ILDR1: variants seen among roughly 807,000 people sequenced by gnomAD.
ILDR1 encodes the protein immunoglobulin like domain containing receptor 1.
A neutral mutation model predicts 62.4 loss-of-function variants in ILDR1; 56 were observed. That is an observed-to-expected ratio of 0.90 (90% CI 0.72 to 1.12). The LOEUF is 1.12. ILDR1 is among the 50% of genes most tolerant of loss of function. The pLI is 0.00. For synonymous variants in ILDR1, 284 were observed against 277.8 expected (o/e 1.02, Z -0.22); for missense variants, 736 against 710.6 (o/e 1.04, Z -0.41).
At chr3:122,001,678 T>C in intron 4 of ILDR1, 67 bp downstream of exon 4, 2 of 1,604,962 alleles carry the variant, frequency 1.2e-6, no homozygotes, top group Non-Finnish European at 1.7e-6. Context: ...TTTTTTTTTT[T>C]TTTTCCTGTG....
At chr3:122,048,400 C>G in the ILDR1 span, among the ~76,000 whole-genome samples, 1 of 152,026 alleles carries the variant, frequency 6.6e-6, no homozygotes, top group Non-Finnish European at 1.5e-5. Flanking sequence ...CTTGTAGTGT[C>G]TTTTTCTGGC....
the ILDR1 span, among the ~76,000 whole-genome samples, chr3:122,047,794 C>T: frequency 6.6e-6 from 1 of 152,278 alleles, no homozygotes. Flanking sequence ...CACGCACCCA[C>T]TGGCCTGCGC....
chr3:122,040,571 T>G, the ILDR1 span, among the ~76,000 whole-genome samples: 1 of 151,924 alleles, frequency 6.6e-6, no homozygotes, highest in Admixed American at 6.6e-5. Context: ...CAGTGTGGTA[T>G]TAGCAAAAGA....
the ILDR1 span, among the ~76,000 whole-genome samples, chr3:122,033,197 G>C: frequency 2.6e-5 from 4 of 152,004 alleles, no homozygotes; most frequent in African/African-American, 9.7e-5. Context: ...TGGTGGGTGT[G>C]AGATGGTATT....
At chr3:122,051,549 GA>G in the ILDR1 span, among the ~76,000 whole-genome samples, 2 of 151,978 alleles carry the variant, frequency 1.3e-5, no homozygotes, top group Non-Finnish European at 2.9e-5. Context: ...TGAACTCATT[GA>G]GCATCAATAT....
the ILDR1 span, among the ~76,000 whole-genome samples, chr3:122,029,514 AT>A: frequency 8.4e-4 from 103 of 122,114 alleles, 1 homozygote; most frequent in South Asian, 0.01. Flanking sequence ...TAAAAAAAAT[AT>A]ATATATATAT....
the ILDR1 span, among the ~76,000 whole-genome samples, chr3:122,036,853 G>A: frequency 6.6e-6 from 1 of 152,304 alleles, no homozygotes; most frequent in South Asian, 2.1e-4. Context: ...CAGGCCCAGG[G>A]CCCAACTCCT....
At chr3:122,039,961 T>C in the ILDR1 span, among the ~76,000 whole-genome samples, 1 of 151,996 alleles carries the variant, frequency 6.6e-6, no homozygotes, top group African/African-American at 2.4e-5. Flanking sequence ...ATAGAAAGAA[T>C]AATTACTATG....
chr3:122,030,850 C>G, the ILDR1 span, among the ~76,000 whole-genome samples: 2 of 152,076 alleles, frequency 1.3e-5, no homozygotes, highest in South Asian at 4.2e-4. Context: ...ATTAAAGTTC[C>G]CAGGTGGTTC....
At chr3:122,045,939 G>A in the ILDR1 span, among the ~76,000 whole-genome samples, 1 of 150,428 alleles carries the variant, frequency 6.6e-6, no homozygotes, top group Non-Finnish European at 1.5e-5. Context: ...ATATTGTTAT[G>A]TGTGAATTTG....
At chr3:121,994,530 C>A (rs760245151) in intron 5 of ILDR1, among the ~76,000 whole-genome samples, 17 of 152,266 alleles carry the variant, frequency 1.1e-4, no homozygotes, top group Non-Finnish European at 1.9e-4. Flanking sequence ...ACTTTTGTAC[C>A]CCAGTAAAGT....
chr3:121,991,329 A>G (rs941588433), intron 7 of ILDR1, among the ~76,000 whole-genome samples: 2 of 152,266 alleles, frequency 1.3e-5, no homozygotes, highest in East Asian at 3.8e-4. Flanking sequence ...AAATGAAAAG[A>G]AAATAATTTA....
chr3:121,997,067 A>AT (rs2071447923), intron 5 of ILDR1, among the ~76,000 whole-genome samples: 1 of 151,844 alleles, frequency 6.6e-6, no homozygotes, highest in Non-Finnish European at 1.5e-5. Flanking sequence ...TGCTCAGTTA[A>AT]TTTTTGTATT....
Position 121,988,176 on chromosome 3 carries a change from G to C in ILDR1, c.*191C>G. The C allele has an allele frequency of 1.5e-6, 1 of 668,452 alleles. No homozygotes were observed. The highest frequency in any genetic ancestry group is 3.0e-4 in the Middle Eastern group (1 of 3,356). 41.4% of individuals were successfully genotyped at this position (668,452 alleles called of 1,614,324 possible). ...GATTCTTAGCCTCCCAAAGTGCTGT[G>C]ATTACAGGTGTGAGCCACTATACCC... On this transcript the variant is annotated 3_prime_UTR_variant, in exon 8 of 8. Coordinates refer to ENST00000344209, the MANE Select transcript of ILDR1 (RefSeq NM_001199799.2).
the ILDR1 span, among the ~76,000 whole-genome samples, chr3:122,059,034 T>C: frequency 6.6e-6 from 1 of 152,088 alleles, no homozygotes; most frequent in East Asian, 1.9e-4. Context: ...CAGAGTGGGT[T>C]TGCGCCAGGC....
At chr3:122,040,727 A>AG in the ILDR1 span, among the ~76,000 whole-genome samples, 4,666 of 128,232 alleles carry the variant, frequency 0.036, 256 homozygotes, top group African/African-American at 0.14. Flanking sequence ...CAGATGCAAA[A>AG]AAAAAAAAAG....
the ILDR1 span, among the ~76,000 whole-genome samples, chr3:122,041,910 CTT>C: frequency 8.9e-4 from 126 of 141,104 alleles, no homozygotes; most frequent in East Asian, 0.011. Flanking sequence ...ATTTCTTTTT[CTT>C]TTTTTTTTTT....
the ILDR1 span, among the ~76,000 whole-genome samples, chr3:122,044,898 T>C: frequency 1.3e-5 from 2 of 149,914 alleles, no homozygotes; most frequent in Non-Finnish European, 3.0e-5. Flanking sequence ...TTTGAAGGGT[T>C]TTTTGTGTCT....
intron 1 of ILDR1, among the ~76,000 whole-genome samples, chr3:122,013,597 T>C (rs566405692): frequency 6.6e-6 from 1 of 152,136 alleles, no homozygotes; most frequent in East Asian, 1.9e-4. Context: ...CAGATAACAG[T>C]GCAAATATGA....
Sources: gnomAD v4.1 joint callset for allele counts (sites outside exome capture counted in the v4.1 genomes callset) on GRCh38, gnomAD v4.1.1 for gene constraint, MANE v1.5 for transcripts, NCBI Gene and HGNC (gene_info 2026-07-23, HGNC 2026-07-21) for gene names.